Variants in TRIM63 observed in about 807,000 individuals in gnomAD.
TRIM63 encodes the protein E3 ubiquitin-protein ligase TRIM63.
Under a neutral mutation model 46.0 loss-of-function variants are expected in TRIM63, and 48 were observed. The ratio of observed to expected loss-of-function variants is 1.04; its 90% CI spans 0.83 to 1.33. The LOEUF (loss-of-function observed/expected upper bound fraction) is 1.33, where lower values mean the gene tolerates loss of function less well. TRIM63 is among the 40% of genes most tolerant of loss of function. The pLI is 0.00. For missense variants in TRIM63, 455 were observed against 441.2 expected, an observed-to-expected ratio of 1.03 and a Z score of -0.28; for synonymous variants, 175 against 162.8, an observed-to-expected ratio of 1.08 and a Z score of -0.57.
intron 8 of TRIM63, among the ~76,000 whole-genome samples, chr1:26,052,896 C>T (rs541596631): frequency 6.6e-6 from 1 of 152,228 alleles, no homozygotes; most frequent in South Asian, 2.1e-4. Flanking sequence ...TTCAAATCTC[C>T]TTTTTCTTAA....
At chr1:26,064,067 G>A (rs1040988842) in intron 2 of TRIM63, among the ~76,000 whole-genome samples, 1 of 152,206 alleles carries the variant, frequency 6.6e-6, no homozygotes, top group African/African-American at 2.4e-5. Flanking sequence ...AGGCCAAGGC[G>A]GGCGCATTAC....
chr1:26,061,707 A>G, intron 2 of TRIM63, among the ~76,000 whole-genome samples: 1 of 152,186 alleles, frequency 6.6e-6, no homozygotes, highest in East Asian at 1.9e-4. Flanking sequence ...CAGAAAAGTG[A>G]ATTGACTCGT....
At chr1:26,053,851 T>TGAATGAAG (rs2124435158) in intron 8 of TRIM63, 42 bp downstream of exon 8, 1 of 1,444,816 alleles carries the variant, frequency 6.9e-7, no homozygotes, top group East Asian at 2.3e-5. Context: ...TGTTGTGGAA[T>TGAATGAAG]GAATGAAGGA....
intron 4 of TRIM63, among the ~76,000 whole-genome samples, chr1:26,058,837 TGCCTTGAAAAACAGCTA>T (rs2050596881): frequency 6.6e-6 from 1 of 152,122 alleles, no homozygotes. Context: ...TGGAGGATGA[TGCCTTGAAAAACAGCTA>T]GCCCCTTCTT....
At chr1:26,054,726 G>A (rs183757346) in intron 7 of TRIM63, among the ~76,000 whole-genome samples, 1 of 152,210 alleles carries the variant, frequency 6.6e-6, no homozygotes, top group East Asian at 1.9e-4. Flanking sequence ...CAGCACTTTG[G>A]GAGGCTGAGG....
chr1:26,051,957 C>T (rs1346553700), intron 8 of TRIM63, 74 bp from the exon 9 acceptor site: 4 of 1,229,038 alleles, frequency 3.3e-6, no homozygotes. Context: ...TACCAAGCTA[C>T]TGTTTATTCA....
Position 26,066,539 on chromosome 1 carries a change from C to G in TRIM63, c.160-99G>C, listed in dbSNP as rs891440933. ...CTTTCCTCTGCCTATCCGAACCACC[C>G]CCGTCAAACCTAACAACCTGGAGCT... On this transcript the variant is annotated intron_variant, in intron 1 of 8. Transcript: ENST00000374272. 1.3e-5 allele frequency: 15 copies of G among 1,135,396 alleles called. No individual in the cohort carries two copies. The African/African-American group carries it at 1.4e-4, about 11-fold the overall frequency. 70.3% of individuals were successfully genotyped at this position (1,135,396 alleles called of 1,614,324 possible). A position where few individuals can be genotyped will look rare whatever the true frequency, so the allele number is the denominator to read the frequency against.
In TRIM63 at chr1:26,058,411, A is replaced by AG. The variant is rs2050591824; in HGVS notation, c.809dup (p.Gly271TrpfsTer33). The AG allele has an allele frequency of 6.2e-7, 1 of 1,613,894 alleles. No individual in the cohort carries two copies. Among genetic ancestry groups the AG allele is most frequent in the African/African-American group, 1.3e-5 (1 of 74,862 alleles). On this transcript the variant is annotated frameshift_variant, in exon 5 of 9. Transcript: ENST00000374272. LOFTEE classifies it high-confidence loss of function. ...TCACCAAGAGGAAGGTGGCTCCCCC[A>AG]GGCTCGTCCAGGGACTGGATGGCAG...
At chr1:26,065,699 C>A (rs750074934) in intron 2 of TRIM63, among the ~76,000 whole-genome samples, 4 of 152,226 alleles carry the variant, frequency 2.6e-5, no homozygotes, top group Non-Finnish European at 5.9e-5. Flanking sequence ...CAGGAAGACT[C>A]AGAGCTAGAT....
Position 26,051,870 on chromosome 1 carries a change from T to C in TRIM63, c.*3A>G. Reference sequence around the variant, plus strand: ...TCTGGGGGCCTCTCATTCATCCAGCTCCTTACTGGTGTCCTGAAATGAAGA... The same window carrying C: ...TCTGGGGGCCTCTCATTCATCCAGCCCCTTACTGGTGTCCTGAAATGAAGA... On this transcript the variant is annotated 3_prime_UTR_variant, in exon 9 of 9. Transcript: ENST00000374272. 7.7e-7 allele frequency: 1 copy of C among 1,303,436 alleles called. No homozygotes were observed. Among genetic ancestry groups the C allele is most frequent in the Non-Finnish European group, 9.8e-7 (1 of 1,016,074 alleles). 80.7% of individuals were successfully genotyped at this position (1,303,436 alleles called of 1,614,324 possible).
At position 26,051,753 on chromosome 1, in the gene TRIM63, C is replaced by A; in HGVS notation, c.*120G>T. 1.4e-6 allele frequency: 1 copy of A among 706,214 alleles called. No individual in the cohort carries two copies. The highest frequency in any genetic ancestry group is 2.0e-6 in the Non-Finnish European group (1 of 490,176). The allele number at this position is 706,214 out of a possible 1,614,324, so 43.7% of individuals were successfully genotyped here. Reference sequence around the variant, plus strand: ...CTGAGCAGAGAGAAGACATCACCTCCCCATTGCCCCTCCAGGGGCCCCGAC... The same window carrying A: ...CTGAGCAGAGAGAAGACATCACCTCACCATTGCCCCTCCAGGGGCCCCGAC... On this transcript the variant is annotated 3_prime_UTR_variant, in exon 9 of 9. Coordinates refer to ENST00000374272, the MANE Select transcript of TRIM63 (RefSeq NM_032588.4).
In TRIM63 at chr1:26,057,619, G is replaced by A. The variant is rs777144146; in HGVS notation, c.854+9C>T. ...GTGCTTGGATCATAGCCTCTAGGAA[G>A]ACACTGACCTTTTGATGAGTTGCTT... is the stretch of plus-strand genomic sequence containing the variant. On this transcript the variant is annotated intron_variant, in intron 6 of 8. Transcript: ENST00000374272. The A allele has an allele frequency of 4.3e-6, 7 of 1,610,536 alleles. No homozygotes were observed. Among genetic ancestry groups the A allele is most frequent in the Non-Finnish European group, 5.9e-6 (7 of 1,178,386 alleles).
intron 7 of TRIM63, 78 bp downstream of exon 7, chr1:26,057,125 A>T: frequency 6.4e-7 from 1 of 1,570,786 alleles, no homozygotes; most frequent in Non-Finnish European, 8.7e-7. Flanking sequence ...CTGCCTCCCC[A>T]TCGGGCTCAG....
chr1:26,066,166 G>C (rs938066521), intron 2 of TRIM63, 102 bp downstream of exon 2: 37 of 1,322,654 alleles, frequency 2.8e-5, no homozygotes, highest in African/African-American at 2.6e-4. Flanking sequence ...CCAGCTAGAG[G>C]CCTGGATCCT....
At chr1:26,060,133 C>A in intron 4 of TRIM63, 133 bp downstream of exon 4, 1 of 641,536 alleles carries the variant, frequency 1.6e-6, no homozygotes, top group Non-Finnish European at 2.8e-6. Flanking sequence ...AGTCCCTCCC[C>A]TGCCATCCCT....
At chr1:26,058,837 T>C (rs1003382719) in intron 4 of TRIM63, among the ~76,000 whole-genome samples, 2 of 152,122 alleles carry the variant, frequency 1.3e-5, no homozygotes, top group Non-Finnish European at 2.9e-5. Context: ...TGGAGGATGA[T>C]GCCTTGAAAA....
At chr1:26,058,361 C>G (rs1281208914) in intron 5 of TRIM63, 29 bp downstream of exon 5, 9 of 1,597,300 alleles carry the variant, frequency 5.6e-6, no homozygotes, top group Non-Finnish European at 7.7e-6. Flanking sequence ...TTGAACTGAC[C>G]CCACCCAGAC....
At position 26,058,547 on chromosome 1, in the gene TRIM63, C is replaced by T. The variant is rs753202790; in HGVS notation, c.674G>A (p.Ser225Asn). ...CTGCGTGATCCGCTGCAGCAACTCA[C>T]TTTTCTTCTCATCCAGGATGGCATA... ...TLYAILDEKK[S>N]ELLQRITQEQ... Residue 225 changes from serine (S) to asparagine (N), a missense_variant, in exon 5 of 9, where the codon AGT (serine) becomes AAT (asparagine). Ser to Asn is a conservative substitution (Grantham distance 46). Transcript: ENST00000374272. 3 of 1,614,226 alleles carry T rather than the reference C, an allele frequency of 1.9e-6. No homozygotes were observed. Among genetic ancestry groups the T allele is most frequent in the African/African-American group, 2.7e-5 (2 of 75,052 alleles).
At chr1:26,059,452 C>T (rs889321400) in intron 4 of TRIM63, among the ~76,000 whole-genome samples, 1 of 152,170 alleles carries the variant, frequency 6.6e-6, no homozygotes, top group African/African-American at 2.4e-5. Context: ...ATTCGGGAAG[C>T]TCTGCATCAT....
Sources: gnomAD v4.1 joint callset for allele counts (sites outside exome capture counted in the v4.1 genomes callset) on GRCh38, gnomAD v4.1.1 for gene constraint, MANE v1.5 for transcripts, NCBI Gene and HGNC (gene_info 2026-07-23, HGNC 2026-07-21) for gene names.